The following LYN variants were observed in gnomAD, a reference collection of about 807,000 sequenced individuals.
LYN encodes tyrosine-protein kinase Lyn.
A neutral mutation model predicts 65.0 loss-of-function variants in LYN; 12 were observed. The observed-to-expected ratio is 0.18, with a 90% CI of 0.12 to 0.30. The LOEUF is 0.30. LYN is among the 10% of genes least tolerant of loss of function. LYN has a pLI of 1.00. For missense variants in LYN, 380 were observed against 623.2 expected (o/e 0.61, Z 4.16); for synonymous variants, 222 against 221.2 (o/e 1.00, Z -0.03).
rs750675561 is a variant in LYN, at chr8:55,999,524, C to T, written c.1311C>T (p.Val437=). The T allele has an allele frequency of 6.2e-7, 1 of 1,613,718 alleles. No individual in the cohort carries two copies. The highest frequency in any genetic ancestry group is 1.7e-5 in the Admixed American group (1 of 60,028). ...TTGGAATCCTCCTATACGAAATTGT[C>T]ACCTATGGGAAAATTCCCTACCCAG... The part of the protein sequence containing the change: ...WSFGILLYEI[V]TYGKIPYPGR... Residue 437 remains valine, a synonymous_variant, in exon 12 of 13, where the codon GTC becomes GTT. Transcript: ENST00000519728.
intron 1 of LYN, among the ~76,000 whole-genome samples, chr8:55,916,122 T>C (rs1805774388): frequency 6.6e-6 from 1 of 152,214 alleles, no homozygotes; most frequent in African/African-American, 2.4e-5. Context: ...TTATGGTAAA[T>C]TATCTCATGA....
chr8:56,006,623 C>T (rs963667718), intron 12 of LYN, among the ~76,000 whole-genome samples: 1 of 152,218 alleles, frequency 6.6e-6, no homozygotes, highest in South Asian at 2.1e-4. Context: ...CCTGACTGGG[C>T]TGTGTGCCAT....
At chr8:55,928,295 G>A (rs112779890) in intron 1 of LYN, among the ~76,000 whole-genome samples, 17,136 of 152,156 alleles carry the variant, frequency 0.11, 1,239 homozygotes, top group Middle Eastern at 0.29. Context: ...ATAGGCAAGC[G>A]CCACCACGCC....
chr8:55,997,803 G>A (rs1808414060), intron 10 of LYN, among the ~76,000 whole-genome samples: 1 of 152,260 alleles, frequency 6.6e-6, no homozygotes, highest in African/African-American at 2.4e-5. Context: ...GTTAAGACAT[G>A]GCCAGGCGCG....
intron 1 of LYN, among the ~76,000 whole-genome samples, chr8:55,909,218 C>G (rs1232252397): frequency 6.6e-6 from 1 of 152,088 alleles, no homozygotes; most frequent in East Asian, 1.9e-4. Flanking sequence ...TGAATGTGTG[C>G]CACGTGATGG....
At chr8:55,945,955 G>A (rs1563522925) in intron 2 of LYN, among the ~76,000 whole-genome samples, 1 of 152,186 alleles carries the variant, frequency 6.6e-6, no homozygotes, top group Non-Finnish European at 1.5e-5. Flanking sequence ...TCCTGCTGCC[G>A]CTGGTGTTTG....
chr8:55,965,982 A>T (rs995138126), intron 8 of LYN, among the ~76,000 whole-genome samples: 1 of 152,008 alleles, frequency 6.6e-6, no homozygotes, highest in Non-Finnish European at 1.5e-5. Context: ...AAAATTAGCC[A>T]GGTGTGGTGG....
chr8:55,890,645 C>T (rs544408324), intron 1 of LYN, among the ~76,000 whole-genome samples: 1 of 151,814 alleles, frequency 6.6e-6, no homozygotes, highest in Non-Finnish European at 1.5e-5. Flanking sequence ...TTCATAGTAG[C>T]ATTATTCACA....
intron 1 of LYN, among the ~76,000 whole-genome samples, chr8:55,881,571 G>A (rs534032116): frequency 1.3e-5 from 2 of 152,168 alleles, no homozygotes; most frequent in African/African-American, 2.4e-5. Context: ...AGAGTCTTTG[G>A]TGACTGGGCC....
At chr8:55,910,486 A>G (rs6982669) in intron 1 of LYN, among the ~76,000 whole-genome samples, 104,193 of 152,038 alleles carry the variant, frequency 0.69, 35,831 homozygotes, top group East Asian at 0.95. Context: ...TGGGTTCTCT[A>G]TTCTGTCCCA....
intron 10 of LYN, among the ~76,000 whole-genome samples, chr8:55,989,501 C>T (rs1003847101): frequency 5.3e-5 from 8 of 152,106 alleles, no homozygotes; most frequent in Non-Finnish European, 8.8e-5. Context: ...TGCCTTTCCT[C>T]GAGAAGGTCC....
chr8:55,918,677 G>C (rs1721197435), intron 1 of LYN, among the ~76,000 whole-genome samples: 1 of 152,166 alleles, frequency 6.6e-6, no homozygotes, highest in Non-Finnish European at 1.5e-5. Flanking sequence ...CCTTACTATG[G>C]CCTTGCGGGG....
chr8:56,003,892 T>A (rs1808599982), intron 12 of LYN, among the ~76,000 whole-genome samples: 1 of 151,566 alleles, frequency 6.6e-6, no homozygotes, highest in Admixed American at 6.6e-5. Flanking sequence ...AAATTTCTAA[T>A]TTTTTTACAA....
At chr8:55,918,965 G>A (rs1805857257) in intron 1 of LYN, among the ~76,000 whole-genome samples, 1 of 146,764 alleles carries the variant, frequency 6.8e-6, no homozygotes, top group Admixed American at 7.0e-5. Context: ...TTGGGAGTTC[G>A]AGGCAGGAGA....
chr8:55,981,923 A>G (rs1478937802), intron 10 of LYN, among the ~76,000 whole-genome samples: 2 of 152,232 alleles, frequency 1.3e-5, no homozygotes, highest in African/African-American at 4.8e-5. Context: ...AGTATTTGAC[A>G]TTGAAGCCAA....
chr8:55,883,465 G>T (rs1390221926), intron 1 of LYN, among the ~76,000 whole-genome samples: 2 of 152,112 alleles, frequency 1.3e-5, no homozygotes, highest in Non-Finnish European at 2.9e-5. Flanking sequence ...TTGCTTGGGG[G>T]TGGGAAAGGG....
chr8:56,002,079 G>A (rs1395697875), intron 12 of LYN, among the ~76,000 whole-genome samples: 5 of 152,088 alleles, frequency 3.3e-5, no homozygotes, highest in Admixed American at 6.5e-5. Flanking sequence ...TCAGGAGTTC[G>A]AGACCAGCCT....
chr8:55,920,438 G>A (rs1805911574), intron 1 of LYN, among the ~76,000 whole-genome samples: 1 of 152,136 alleles, frequency 6.6e-6, no homozygotes, highest in Admixed American at 6.5e-5. Flanking sequence ...GGAGGACGGG[G>A]GCGGATAATG....
intron 1 of LYN, among the ~76,000 whole-genome samples, chr8:55,932,413 T>TTTTGTTTG (rs57239591): frequency 1.5e-4 from 22 of 150,892 alleles, no homozygotes; most frequent in African/African-American, 4.6e-4. Context: ...TATATATATT[T>TTTTGTTTG]TTTGTTTGTT....
Sources: gnomAD v4.1 joint callset for allele counts (sites outside exome capture counted in the v4.1 genomes callset) on GRCh38, gnomAD v4.1.1 for gene constraint, MANE v1.5 for transcripts, NCBI Gene and HGNC (gene_info 2026-07-23, HGNC 2026-07-21) for gene names.